Variants in SLC16A10 observed in about 807,000 individuals in gnomAD.
SLC16A10 encodes the protein solute carrier family 16 member 10, also known as monocarboxylate transporter 10.
Under a neutral mutation model 40.0 loss-of-function variants are expected in SLC16A10, and 27 were observed. That is an observed-to-expected ratio of 0.67 (90% CI 0.50 to 0.93). SLC16A10 has a LOEUF of 0.93. Ranked by LOEUF, SLC16A10 falls within the 40% of genes least tolerant of loss-of-function variation. The probability of loss-of-function intolerance (pLI) is 0.00; values close to 1 mark genes in which losing one functional copy is unlikely to be tolerated. For synonymous variants in SLC16A10, 213 were observed against 249.8 expected, an observed-to-expected ratio of 0.85 and a Z score of 1.39; for missense variants, 529 against 658.2, an observed-to-expected ratio of 0.80 and a Z score of 2.15.
chr6:111,160,634 T>A (rs1380362947), intron 1 of SLC16A10, among the ~76,000 whole-genome samples: 1 of 152,244 alleles, frequency 6.6e-6, no homozygotes, highest in Non-Finnish European at 1.5e-5. Context: ...GTTCCCGAGC[T>A]CTTGTCATGC....
intron 1 of SLC16A10, among the ~76,000 whole-genome samples, chr6:111,103,351 G>A (rs1467483852): frequency 1.3e-5 from 2 of 152,090 alleles, no homozygotes; most frequent in Non-Finnish European, 2.9e-5. Context: ...CCGAGTAGCT[G>A]GGATTACAGA....
chr6:111,198,339 C>G (rs1172209542), intron 3 of SLC16A10, among the ~76,000 whole-genome samples: 1 of 152,140 alleles, frequency 6.6e-6, no homozygotes, highest in Non-Finnish European at 1.5e-5. Flanking sequence ...TTTCAACTAG[C>G]CTTTTGTTGG....
chr6:111,160,904 A>T (rs551166530), intron 1 of SLC16A10, among the ~76,000 whole-genome samples: 2 of 152,198 alleles, frequency 1.3e-5, no homozygotes, highest in Admixed American at 1.3e-4. Context: ...GGTGGGCGCG[A>T]TAGTGTAGAA....
chr6:111,110,347 A>ATTT (rs11383793), intron 1 of SLC16A10, among the ~76,000 whole-genome samples: 2 of 146,410 alleles, frequency 1.4e-5, no homozygotes, highest in Non-Finnish European at 3.0e-5. Context: ...GAGGGTAACA[A>ATTT]TTTTTTTTTT....
intron 4 of SLC16A10, among the ~76,000 whole-genome samples, chr6:111,212,870 G>T (rs745620746): frequency 1.3e-5 from 2 of 151,858 alleles, no homozygotes; most frequent in East Asian, 3.8e-4. Flanking sequence ...AGTGCATTAC[G>T]TAGAATAATA....
chr6:111,151,858 C>T (rs748395970), intron 1 of SLC16A10, among the ~76,000 whole-genome samples: 2 of 152,184 alleles, frequency 1.3e-5, no homozygotes, highest in African/African-American at 4.8e-5. Flanking sequence ...TTGGGTGTTA[C>T]CCTGAGGAAA....
At chr6:111,169,310 C>T (rs1470519059) in intron 1 of SLC16A10, among the ~76,000 whole-genome samples, 2 of 152,152 alleles carry the variant, frequency 1.3e-5, no homozygotes, top group Admixed American at 6.5e-5. Flanking sequence ...TGAATGACAG[C>T]CAAAAAGCCA....
Position 111,116,639 on chromosome 6 carries a change from A to G in SLC16A10, c.343+28544A>G, listed in dbSNP as rs571172109. Among the ~76,000 whole-genome samples the G allele has an allele frequency of 3.9e-5, 6 of 152,362 alleles. No homozygotes were observed. In the East Asian group the frequency reaches 9.6e-4, roughly 24 times the overall value. On this transcript the variant is annotated intron_variant, in intron 1 of 5. Transcript: ENST00000368851. ...ATGATAATGGTTACTGTGCAGCAAC[A>G]TGGAAGAACTTGGTGAAAGCAGGAT...
chr6:111,167,621 G>GTTATTTATTGAT (rs1554259340), intron 1 of SLC16A10, among the ~76,000 whole-genome samples: 1 of 149,478 alleles, frequency 6.7e-6, no homozygotes, highest in African/African-American at 2.5e-5. Flanking sequence ...GGGCTCGATT[G>GTTATTTATTGAT]TTATTTATTT....
chr6:111,200,097 A>G (rs1773144807), intron 3 of SLC16A10, among the ~76,000 whole-genome samples: 1 of 152,126 alleles, frequency 6.6e-6, no homozygotes, highest in African/African-American at 2.4e-5. Context: ...AAAACAAACA[A>G]CCAATCACCC....
chr6:111,154,495 A>G (rs182440987), intron 1 of SLC16A10, among the ~76,000 whole-genome samples: 27 of 152,366 alleles, frequency 1.8e-4, no homozygotes, highest in Admixed American at 1.8e-3. Context: ...TGAAAAGGGA[A>G]GCATGATGGA....
At chr6:111,129,176 T>A (rs1003783774) in intron 1 of SLC16A10, among the ~76,000 whole-genome samples, 5 of 152,198 alleles carry the variant, frequency 3.3e-5, no homozygotes, top group African/African-American at 7.2e-5. Flanking sequence ...AGGCAGCCCA[T>A]GTCAGTTTTG....
intron 1 of SLC16A10, among the ~76,000 whole-genome samples, chr6:111,169,972 A>G (rs2065084): frequency 6.3e-5 from 9 of 142,378 alleles, no homozygotes; most frequent in Admixed American, 4.4e-4. Context: ...GTTGGAGTAC[A>G]GTAGGATGAC....
intron 1 of SLC16A10, among the ~76,000 whole-genome samples, chr6:111,089,930 T>G (rs1470514764): frequency 4.1e-5 from 5 of 120,760 alleles, no homozygotes; most frequent in African/African-American, 1.6e-4. Flanking sequence ...TTTTTTTTTT[T>G]TTTTTTTTTT....
intron 3 of SLC16A10, among the ~76,000 whole-genome samples, chr6:111,180,043 A>G (rs747384371): frequency 3.3e-4 from 50 of 152,306 alleles, no homozygotes; most frequent in Non-Finnish European, 6.2e-4. Context: ...TTCCTACTAA[A>G]CCCTTTATTG....
intron 4 of SLC16A10, among the ~76,000 whole-genome samples, chr6:111,217,594 C>G (rs1442920254): frequency 6.6e-6 from 1 of 152,010 alleles, no homozygotes; most frequent in South Asian, 2.1e-4. Context: ...GGATTACAGG[C>G]GCCGGCCACC....
intron 3 of SLC16A10, among the ~76,000 whole-genome samples, chr6:111,180,272 A>C (rs1241653521): frequency 6.6e-6 from 1 of 152,240 alleles, no homozygotes; most frequent in Non-Finnish European, 1.5e-5. Context: ...AGCCAGGCAC[A>C]GTGGCTCACG....
chr6:111,145,423 A>G (rs1772059506), intron 1 of SLC16A10, among the ~76,000 whole-genome samples: 2 of 152,178 alleles, frequency 1.3e-5, no homozygotes, highest in South Asian at 4.1e-4. Context: ...TAGATAATAT[A>G]TGTCGTAGTT....
At chr6:111,215,690 G>T (rs1394916255) in intron 4 of SLC16A10, among the ~76,000 whole-genome samples, 4 of 152,076 alleles carry the variant, frequency 2.6e-5, no homozygotes, top group African/African-American at 9.7e-5. Context: ...TTTGTACATA[G>T]AATAAAAATG....
Sources: allele counts gnomAD v4.1 joint callset (sites outside exome capture counted in the v4.1 genomes callset), GRCh38; gene constraint gnomAD v4.1.1; transcripts MANE v1.5; gene names NCBI Gene and HGNC (gene_info 2026-07-23, HGNC 2026-07-21).